Variants in KLF12 observed in about 807,000 individuals in gnomAD.
KLF12 encodes the protein Krueppel-like factor 12.
KLF12 carries 9 observed loss-of-function variants against 37.8 expected under a neutral mutation model. The observed-to-expected ratio is 0.24, with a 90% CI of 0.14 to 0.42. The LOEUF is 0.42. Among genes scored for constraint, KLF12 ranks in the 10% least tolerant of loss-of-function variants. The pLI is 1.00. For missense variants in KLF12, 411 were observed against 516.0 expected (o/e 0.80, Z 1.97); for synonymous variants, 208 against 202.1 (o/e 1.03, Z -0.25).
chr13:73,820,281 G>A (rs1050280440), intron 4 of KLF12, among the ~76,000 whole-genome samples: 1 of 152,116 alleles, frequency 6.6e-6, no homozygotes, highest in Non-Finnish European at 1.5e-5. Context: ...CACAGAATCA[G>A]TTAAAACTCA....
chr13:73,753,598 A>T (rs1878937188), intron 6 of KLF12, among the ~76,000 whole-genome samples: 1 of 152,026 alleles, frequency 6.6e-6, no homozygotes. Flanking sequence ...AGGCACAATA[A>T]TTTTACTGAA....
At chr13:73,944,591 T>A (rs768532449) in intron 2 of KLF12, among the ~76,000 whole-genome samples, 1 of 152,222 alleles carries the variant, frequency 6.6e-6, no homozygotes, top group African/African-American at 2.4e-5. Context: ...TTTCTACCTA[T>A]CAACCTCCAA....
At chr13:73,979,190 A>C (rs1346021265) in intron 2 of KLF12, among the ~76,000 whole-genome samples, 1 of 152,206 alleles carries the variant, frequency 6.6e-6, no homozygotes, top group Admixed American at 6.5e-5. Context: ...ACCTCAAGGT[A>C]GGTTACTCAC....
chr13:74,274,270 TA>T, the KLF12 span, among the ~76,000 whole-genome samples: 1 of 152,016 alleles, frequency 6.6e-6, no homozygotes, highest in Non-Finnish European at 1.5e-5. Context: ...AGATGGCACT[TA>T]AAAAAAAGAC....
the KLF12 span, among the ~76,000 whole-genome samples, chr13:74,161,327 G>A: frequency 6.6e-6 from 1 of 152,008 alleles, no homozygotes; most frequent in South Asian, 2.1e-4. Context: ...ATTAGTTAAG[G>A]TTCTAAGATA....
At chr13:73,888,198 T>TTC (rs1887329028) in intron 3 of KLF12, among the ~76,000 whole-genome samples, 1 of 152,050 alleles carries the variant, frequency 6.6e-6, no homozygotes. Context: ...GAGACAGGGT[T>TTC]TCGCCATGTT....
intron 1 of KLF12, among the ~76,000 whole-genome samples, chr13:74,062,170 T>C (rs766870201): frequency 6.6e-6 from 1 of 152,132 alleles, no homozygotes; most frequent in Non-Finnish European, 1.5e-5. Flanking sequence ...TGTTAAAGAG[T>C]GTCTGCTTTG....
chr13:74,189,571 G>A, the KLF12 span, among the ~76,000 whole-genome samples: 1 of 152,114 alleles, frequency 6.6e-6, no homozygotes, highest in South Asian at 2.1e-4. Flanking sequence ...TTTCGGAATA[G>A]GTAATATAGT....
chr13:74,128,957 A>G (rs925883855), intron 1 of KLF12, among the ~76,000 whole-genome samples: 1 of 152,174 alleles, frequency 6.6e-6, no homozygotes, highest in African/African-American at 2.4e-5. Context: ...CTACAAAAAC[A>G]CATGTAAAAA....
intron 4 of KLF12, among the ~76,000 whole-genome samples, chr13:73,825,725 CAGAGAAAT>C (rs1176176517): frequency 5.3e-5 from 8 of 150,038 alleles, no homozygotes; most frequent in Non-Finnish European, 1.2e-4. Flanking sequence ...TGAAAAAAAA[CAGAGAAAT>C]TCATACCGCT....
chr13:74,304,649 A>T, the KLF12 span, among the ~76,000 whole-genome samples: 1 of 152,118 alleles, frequency 6.6e-6, no homozygotes, highest in Non-Finnish European at 1.5e-5. Flanking sequence ...ATTTCATGTA[A>T]GGGGTGAAGT....
At chr13:73,909,974 T>C (rs1363876900) in intron 3 of KLF12, among the ~76,000 whole-genome samples, 1 of 152,152 alleles carries the variant, frequency 6.6e-6, no homozygotes, top group East Asian at 1.9e-4. Flanking sequence ...AAACGTTATT[T>C]TTTTTGGACA....
intron 1 of KLF12, among the ~76,000 whole-genome samples, chr13:74,098,397 C>T (rs1429706745): frequency 6.6e-6 from 1 of 152,248 alleles, no homozygotes; most frequent in Non-Finnish European, 1.5e-5. Context: ...ACCACCACCA[C>T]ATTCAGAAGC....
chr13:73,837,054 C>T (rs1003248255), intron 4 of KLF12, among the ~76,000 whole-genome samples: 2 of 152,144 alleles, frequency 1.3e-5, no homozygotes, highest in African/African-American at 4.8e-5. Context: ...TTTGACTGTC[C>T]TGTTTATCTT....
chr13:74,130,286 T>C (rs1878187231), intron 1 of KLF12, among the ~76,000 whole-genome samples: 1 of 152,166 alleles, frequency 6.6e-6, no homozygotes, highest in Non-Finnish European at 1.5e-5. Flanking sequence ...TGGGCAAAAA[T>C]ATAAGCCATT....
Position 74,051,341 on chromosome 13 carries a change from AACAC to A in KLF12, c.-31-56292_-31-56289del, listed in dbSNP as rs10678885. ...TGGTGTGTGTATACATACACACACA[AACAC>A]ACACACACACACACACACACACACA... On this transcript the variant is annotated intron_variant, in intron 1 of 7. Transcript: ENST00000377669. Among the ~76,000 whole-genome samples the A allele has an allele frequency of 1.0e-2, 1,436 of 143,740 alleles. 12 individuals carry two copies. Among genetic ancestry groups the A allele is most frequent in the African/African-American group, 0.028 (1,090 of 38,528 alleles). 94.3% of individuals were successfully genotyped at this position (143,740 alleles called of 152,430 possible). A position where few individuals can be genotyped will look rare whatever the true frequency, so the allele number is the denominator to read the frequency against.
At chr13:73,770,972 A>C (rs1880230615) in intron 5 of KLF12, among the ~76,000 whole-genome samples, 1 of 152,190 alleles carries the variant, frequency 6.6e-6, no homozygotes, top group Non-Finnish European at 1.5e-5. Flanking sequence ...GAATTCTAAA[A>C]AGAGCATTTG....
chr13:74,294,477 T>G, the KLF12 span, among the ~76,000 whole-genome samples: 1 of 152,088 alleles, frequency 6.6e-6, no homozygotes, highest in African/African-American at 2.4e-5. Flanking sequence ...CAAGTGATAC[T>G]CCTGTCTCAG....
chr13:73,934,804 C>T (rs1351620518), intron 3 of KLF12, among the ~76,000 whole-genome samples: 1 of 151,750 alleles, frequency 6.6e-6, no homozygotes, highest in Admixed American at 6.6e-5. Flanking sequence ...ATATTTTTTT[C>T]TGATCTCCCT....
Sources: allele counts gnomAD v4.1 joint callset (sites outside exome capture counted in the v4.1 genomes callset), GRCh38; gene constraint gnomAD v4.1.1; transcripts MANE v1.5; gene names NCBI Gene and HGNC (gene_info 2026-07-23, HGNC 2026-07-21).